Variants in PICK1 observed in about 807,000 individuals in gnomAD.
PICK1 encodes the protein protein interacting with PRKCA 1, also known as PRKCA-binding protein.
In PICK1, 23 loss-of-function variants were observed where a neutral mutation model predicts 48.9. The observed-to-expected ratio is 0.47, with a 90% confidence interval of 0.34 to 0.67. The LOEUF (loss-of-function observed/expected upper bound fraction) is 0.67, where lower values mean the gene tolerates loss of function less well. Ranked by LOEUF, PICK1 falls within the 30% of genes least tolerant of loss-of-function variation. PICK1 has a pLI of 0.01. For missense variants in PICK1, 423 were observed against 557.1 expected (o/e 0.76, Z 2.42); for synonymous variants, 217 against 228.2 (o/e 0.95, Z 0.44).
intron 8 of PICK1, 32 bp from the exon 9 acceptor site, chr22:38,072,445 G>T: frequency 6.2e-7 from 1 of 1,606,482 alleles, no homozygotes; most frequent in South Asian, 1.1e-5. Context: ...GGGCCAAGTA[G>T]GGGCAGCCTT....
At chr22:38,057,955 G>A in intron 2 of PICK1, 105 bp downstream of exon 2, 1 of 928,020 alleles carries the variant, frequency 1.1e-6, no homozygotes, top group African/African-American at 1.6e-5. Flanking sequence ...CGGTGGATCA[G>A]TTGTTGTACT....
At chr22:38,061,460 A>G (rs1019255882) in intron 3 of PICK1, among the ~76,000 whole-genome samples, 4 of 152,164 alleles carry the variant, frequency 2.6e-5, no homozygotes, top group African/African-American at 7.2e-5. Flanking sequence ...CCTGTATCAA[A>G]TAATAGCAAT....
At position 38,073,197 on chromosome 22, in the gene PICK1, A is replaced by AT; in HGVS notation, c.783+105_783+106insT. 2.5e-6 allele frequency: 2 copies of AT among 804,114 alleles called. No individual in the cohort carries two copies. The highest frequency in any genetic ancestry group is 4.4e-6 in the Non-Finnish European group (2 of 454,582). The allele number at this position is 804,114 out of a possible 1,614,324, so 49.8% of individuals were successfully genotyped here. On this transcript the variant is annotated intron_variant, in intron 10 of 12. Transcript: ENST00000356976. This position sits in a 1 kb window ranked among gnomAD's most constrained non-coding sequence, Gnocchi z 5.7. ...GCCAGCGAGGCCAGCCAGAGCTGAC[A>AT]GCATGTCTGCTCCAGGTGTGGGCCC...
At position 38,074,428 on chromosome 22, in the gene PICK1, T is replaced by C. The variant is rs1267397284; in HGVS notation, c.956T>C (p.Met319Thr). 1 of 1,613,146 alleles carries C rather than the reference T, an allele frequency of 6.2e-7. No individual in the cohort carries two copies. Among genetic ancestry groups the C allele is most frequent in the Non-Finnish European group, 8.5e-7 (1 of 1,179,966 alleles). The change falls in exon 12 of 13, where the codon ATG becomes ACG. Residue 319 changes from methionine (M) to threonine (T), a missense_variant. Around this residue, in one of 2 missense-constraint regions of PICK1, gnomAD observed 144 missense variants for 139.3 expected, o/e 1.03. Transcript: ENST00000356976. The surrounding 1 kb of genome is among the most constrained non-coding windows in gnomAD (Gnocchi z 4.5). ...SQMRKDVLEK[M>T]ELLDQKHVQD... Reference sequence around the variant, plus strand: ...ATGCGCAAGGATGTGCTGGAGAAGATGGAGCTGCTGGACCAGAAGCACGGT... The same window carrying C: ...ATGCGCAAGGATGTGCTGGAGAAGACGGAGCTGCTGGACCAGAAGCACGGT...
Position 38,072,580 on chromosome 22 carries a change from C to T in PICK1, c.660C>T (p.Phe220=), listed in dbSNP as rs373937870. 7.4e-6 allele frequency: 12 copies of T among 1,613,200 alleles called. No individual in the cohort carries two copies. The African/African-American group carries it at 1.3e-4, about 18-fold the overall frequency. The change falls in exon 9 of 13, where the codon TTC becomes TTT. Residue 220 remains phenylalanine (F), a synonymous_variant. Transcript: ENST00000356976. ...ATGCCCACCGCAGCATCGAGAAGTT[C>T]GGCATTCGGCTTCTGAAAACCATCA... The part of the protein sequence containing the change: ...FADAHRSIEK[F]GIRLLKTIKP...
intron 5 of PICK1, 161 bp downstream of exon 5, chr22:38,067,931 G>T (rs2145872334): frequency 1.4e-6 from 1 of 707,728 alleles, no homozygotes; most frequent in East Asian, 2.7e-5. Flanking sequence ...AATCTGAAAG[G>T]CCTGGGAGGC....
rs148690270 is a variant in PICK1, at chr22:38,066,755, G to C, written c.283-949G>C. ...CTTTGGGACTTGATTTTAAAATCCT[G>C]TTTTATATTTGGATGAATGTGGTCC... On this transcript the variant is annotated intron_variant, in intron 4 of 12. Coordinates refer to ENST00000356976, the MANE Select transcript of PICK1 (RefSeq NM_012407.4). This position sits in a 1 kb window ranked among gnomAD's most constrained non-coding sequence, Gnocchi z 4.1. Among the ~76,000 whole-genome samples, 23 of 152,362 alleles carry C rather than the reference G, an allele frequency of 1.5e-4. No individual in the cohort carries two copies. The East Asian group carries it at 4.4e-3, about 29-fold the overall frequency.
chr22:38,067,829 A>ATC, intron 5 of PICK1, 59 bp downstream of exon 5: 1 of 1,407,526 alleles, frequency 7.1e-7, no homozygotes, highest in Non-Finnish European at 1.0e-6. Context: ...GCCCTGGCCC[A>ATC]AAGGAGAAGT....
At position 38,070,908 on chromosome 22, in the gene PICK1, C is replaced by A. The variant is rs2085663525; in HGVS notation, c.493+17C>A. On this transcript the variant is annotated intron_variant, in intron 7 of 12. Transcript: ENST00000356976. Reference sequence around the variant, plus strand: ...TATACAAAGGTGGGTGGGGGGTGGCCTCGTCCTGGCACTAGCTCTACCCCA... The same window carrying A: ...TATACAAAGGTGGGTGGGGGGTGGCATCGTCCTGGCACTAGCTCTACCCCA... 6.2e-7 allele frequency: 1 copy of A among 1,609,778 alleles called. No individual in the cohort carries two copies. Among genetic ancestry groups the A allele is most frequent in the Admixed American group, 1.7e-5 (1 of 60,012 alleles).
rs903788869 is a variant in PICK1 at position 38,065,138 on chromosome 22, C to T, written c.282+8C>T. ...ATGATTCAGGAGGTGAAGGTAAGGG[C>T]TGCTGCAGAGCAGGTGTCCAGAGGC... On this transcript the variant is annotated splice_region_variant and intron_variant, in intron 4 of 12. Transcript: ENST00000356976. The T allele has an allele frequency of 5.0e-6, 8 of 1,612,940 alleles. No individual in the cohort carries two copies. In the African/African-American group the frequency reaches 9.3e-5, roughly 19 times the overall value.
chr22:38,072,332 A>T, intron 8 of PICK1, 145 bp from the exon 9 acceptor site: 2 of 941,916 alleles, frequency 2.1e-6, no homozygotes, highest in Non-Finnish European at 3.2e-6. Context: ...CAGGGGGTTT[A>T]GACCAGCTCT....
intron 2 of PICK1, 126 bp downstream of exon 2, chr22:38,057,976 T>C: frequency 1.3e-6 from 1 of 787,940 alleles, no homozygotes; most frequent in South Asian, 1.4e-5. Flanking sequence ...GAAGCAGCAA[T>C]GGACCCTGCT....
rs761303994 is a variant in PICK1 at position 38,073,846 on chromosome 22, G to T, written c.834+23G>T. ...ATTGTGAGTGTTGGAGGGGGTGGGG[G>T]GCTTGTACTTCCCCCCACCTGGTCT... On this transcript the variant is annotated intron_variant, in intron 11 of 12. Transcript: ENST00000356976. This position sits in a 1 kb window ranked among gnomAD's most constrained non-coding sequence, Gnocchi z 5.7. 6.2e-7 allele frequency: 1 copy of T among 1,610,652 alleles called. No individual in the cohort carries two copies. The highest frequency in any genetic ancestry group is 1.7e-5 in the Admixed American group (1 of 60,022).
rs1379219699 is a variant in PICK1, at chr22:38,057,416, C to T, written c.-229C>T. On this transcript the variant is annotated 5_prime_UTR_variant, in exon 1 of 13. Transcript: ENST00000356976. Reference sequence around the variant, plus strand: ...CCGGAAGTGACGTGACAATCGCGGCCACCGCCAGGTGGAACGGCAGGTGGG... The same window carrying T: ...CCGGAAGTGACGTGACAATCGCGGCTACCGCCAGGTGGAACGGCAGGTGGG... 1 of 237,848 alleles carries T rather than the reference C, an allele frequency of 4.2e-6. No homozygotes were observed. Among genetic ancestry groups the T allele is most frequent in the East Asian group, 9.2e-5 (1 of 10,868 alleles). 14.7% of individuals were successfully genotyped at this position (237,848 alleles called of 1,614,324 possible).
In PICK1 at chr22:38,074,530, C is replaced by A; in HGVS notation, c.979+79C>A. 1 of 1,557,900 alleles carries A rather than the reference C, an allele frequency of 6.4e-7. No homozygotes were observed. The highest frequency in any genetic ancestry group is 8.7e-7 in the Non-Finnish European group (1 of 1,143,304). On this transcript the variant is annotated intron_variant, in intron 12 of 12. Coordinates refer to ENST00000356976, the MANE Select transcript of PICK1 (RefSeq NM_012407.4). This position sits in a 1 kb window ranked among gnomAD's most constrained non-coding sequence, Gnocchi z 4.5. ...AGGCCCAGAGGGGTACTCTCAGGGC[C>A]AGGCCACGGCCCAGATGTAAAGCCC...
intron 3 of PICK1, among the ~76,000 whole-genome samples, chr22:38,061,402 T>C (rs2085399806): frequency 6.6e-6 from 1 of 152,150 alleles, no homozygotes; most frequent in Non-Finnish European, 1.5e-5. Flanking sequence ...TTTGTTTTTA[T>C]CAAAGTGCCA....
intron 4 of PICK1, among the ~76,000 whole-genome samples, chr22:38,065,926 C>G (rs534797844): frequency 6.6e-6 from 1 of 152,296 alleles, no homozygotes; most frequent in South Asian, 2.1e-4. Context: ...AGCTACCTCC[C>G]TCAGCCCCAC....
Position 38,057,740 on chromosome 22 carries a change from C to G in PICK1, c.-57-13C>G. The G allele has an allele frequency of 7.1e-7, 1 of 1,408,282 alleles. No homozygotes were observed. The allele number at this position is 1,408,282 out of a possible 1,614,324, so 87.2% of individuals were successfully genotyped here. A position where few individuals can be genotyped will look rare whatever the true frequency, so the allele number is the denominator to read the frequency against. Reference sequence around the variant, plus strand: ...TTCCTTAAATCCTATGCTCCTTTCTCTCCCGGATCCAGTTCCCCATTCCCC... The same window carrying G: ...TTCCTTAAATCCTATGCTCCTTTCTGTCCCGGATCCAGTTCCCCATTCCCC... On this transcript the variant is annotated splice_polypyrimidine_tract_variant and intron_variant, in intron 1 of 12. Transcript: ENST00000356976.
At chr22:38,060,680 G>A (rs536554581) in intron 3 of PICK1, among the ~76,000 whole-genome samples, 3 of 151,920 alleles carry the variant, frequency 2.0e-5, no homozygotes, top group Admixed American at 1.3e-4. Flanking sequence ...TCAGCCTCTC[G>A]CCACCTCCCT....
Sources: allele counts gnomAD v4.1 joint callset (sites outside exome capture counted in the v4.1 genomes callset), GRCh38; gene constraint gnomAD v4.1.1; regional missense constraint gnomAD v4.1.1; non-coding constraint Gnocchi (gnomAD v3.1); transcripts MANE v1.5; gene names NCBI Gene and HGNC (gene_info 2026-07-23, HGNC 2026-07-21).